The following CHKA variants were observed in gnomAD, a reference collection of about 807,000 sequenced individuals.
The protein encoded by CHKA is CHETK-alpha.
Under a neutral mutation model 60.1 loss-of-function variants are expected in CHKA, and 34 were observed. That is an observed-to-expected ratio of 0.57 (90% confidence interval 0.43 to 0.75). The LOEUF (loss-of-function observed/expected upper bound fraction) is 0.75, where lower values mean the gene tolerates loss of function less well. Ranked by LOEUF, CHKA falls within the 30% of genes least tolerant of loss-of-function variation. The pLI, the probability that CHKA is intolerant of heterozygous loss-of-function variation, is 0.00. For synonymous variants in CHKA, 217 were observed against 223.1 expected, an observed-to-expected ratio of 0.97 and a Z score of 0.24; for missense variants, 563 against 561.3, an observed-to-expected ratio of 1.00 and a Z score of -0.03.
chr11:68,079,979 C>T (rs1856925368), intron 3 of CHKA, among the ~76,000 whole-genome samples: 2 of 152,118 alleles, frequency 1.3e-5, no homozygotes, highest in Admixed American at 1.3e-4. Context: ...TGGCTGCCCT[C>T]AGGAGAGGAA....
intron 1 of CHKA, among the ~76,000 whole-genome samples, chr11:68,097,686 G>A (rs1040151182): frequency 6.6e-6 from 1 of 151,156 alleles, no homozygotes; most frequent in Non-Finnish European, 1.5e-5. Context: ...TTCTTCTCTA[G>A]GGCTTTCCAT....
intron 2 of CHKA, chr11:68,081,751 A>T (rs1856997021): frequency 7.4e-6 from 2 of 270,658 alleles, no homozygotes; most frequent in Admixed American, 9.5e-5. Flanking sequence ...TTGTTAGAGG[A>T]AAGTCAATAG....
chr11:68,120,785 G>A lies in CHKA; in HGVS notation c.350+43C>T, dbSNP rs371147054. The A allele has an allele frequency of 9.5e-5, 83 of 873,966 alleles. No individual in the cohort carries two copies. In the African/African-American group the frequency reaches 1.5e-3, roughly 15 times the overall value. The allele number at this position is 873,966 out of a possible 1,614,324, so 54.1% of individuals were successfully genotyped here. On this transcript the variant is annotated intron_variant, in intron 1 of 11. Transcript: ENST00000265689. Reference sequence around the variant, plus strand: ...GGACCCCGCCCCGGCCCCGCCCCGCGTCACCTGACTGTCCCGCGGCCCCCA... The same window carrying A: ...GGACCCCGCCCCGGCCCCGCCCCGCATCACCTGACTGTCCCGCGGCCCCCA...
In CHKA at chr11:68,066,428, C is replaced by G; in HGVS notation, c.1016+1G>C. ...GGAAACACTGGACTGTAACACAGTA[C>G]CTGTAATTGTAACTGCTGTATTCGA... On this transcript the variant is annotated splice_donor_variant, in intron 8 of 11. Coordinates refer to ENST00000265689, the MANE Select transcript of CHKA (RefSeq NM_001277.3). LOFTEE classifies it high-confidence loss of function. 6.2e-7 allele frequency: 1 copy of G among 1,602,568 alleles called. No individual in the cohort carries two copies. Among genetic ancestry groups the G allele is most frequent in the Non-Finnish European group, 8.6e-7 (1 of 1,169,524 alleles).
chr11:68,083,235 C>G, intron 2 of CHKA, among the ~76,000 whole-genome samples: 1 of 152,186 alleles, frequency 6.6e-6, no homozygotes, highest in East Asian at 1.9e-4. Flanking sequence ...AACGAGCTGC[C>G]TGGTGCCACG....
At chr11:68,119,534 A>G (rs1192894627) in intron 1 of CHKA, among the ~76,000 whole-genome samples, 1 of 152,150 alleles carries the variant, frequency 6.6e-6, no homozygotes, top group East Asian at 1.9e-4. Flanking sequence ...CAGTGGCGTG[A>G]TCTCGGCTCA....
At chr11:68,090,786 G>C (rs1857326210) in intron 2 of CHKA, among the ~76,000 whole-genome samples, 2 of 152,146 alleles carry the variant, frequency 1.3e-5, no homozygotes, top group South Asian at 4.1e-4. Context: ...CAACATTCAA[G>C]AGAGATCTTT....
At chr11:68,070,614 A>G (rs951402328) in intron 5 of CHKA, 110 bp downstream of exon 5, 2 of 1,188,036 alleles carry the variant, frequency 1.7e-6, no homozygotes, top group East Asian at 2.4e-5. Flanking sequence ...CCTGCACTTC[A>G]GTGAACTAGG....
intron 3 of CHKA, among the ~76,000 whole-genome samples, chr11:68,077,628 A>G (rs1448124848): frequency 6.6e-6 from 1 of 152,246 alleles, no homozygotes; most frequent in Non-Finnish European, 1.5e-5. Flanking sequence ...GGGAACCAAC[A>G]AAGAACAAGA....
chr11:68,059,989 TTTTTG>T (rs1856165003), intron 11 of CHKA, among the ~76,000 whole-genome samples: 1 of 152,086 alleles, frequency 6.6e-6, no homozygotes, highest in Non-Finnish European at 1.5e-5. Context: ...TCTCCCATGT[TTTTTG>T]TTTTGTTTTG....
intron 3 of CHKA, among the ~76,000 whole-genome samples, chr11:68,077,740 G>A (rs937482132): frequency 6.6e-6 from 1 of 152,106 alleles, no homozygotes; most frequent in African/African-American, 2.4e-5. Context: ...GCTATGGACT[G>A]GGCTCACTGC....
At chr11:68,113,081 CAAAAAAAAA>C (rs71040587) in intron 1 of CHKA, among the ~76,000 whole-genome samples, 13 of 14,548 alleles carry the variant, frequency 8.9e-4, no homozygotes, top group African/African-American at 1.8e-3. Context: ...GACTCCGTCT[CAAAAAAAAA>C]AAAAAAAAAA....
chr11:68,082,297 T>G (rs547654638), intron 2 of CHKA, among the ~76,000 whole-genome samples: 1 of 152,142 alleles, frequency 6.6e-6, no homozygotes, highest in African/African-American at 2.4e-5. Context: ...CTATCTTTAA[T>G]AAGGGAATGG....
chr11:68,107,108 C>T (rs542928686), intron 1 of CHKA, among the ~76,000 whole-genome samples: 96 of 152,088 alleles, frequency 6.3e-4, no homozygotes, highest in African/African-American at 2.2e-3. Context: ...AAAAATTAGC[C>T]GGGCGCAGTG....
chr11:68,097,716 C>T (rs1451894132), intron 1 of CHKA, among the ~76,000 whole-genome samples: 5 of 151,650 alleles, frequency 3.3e-5, no homozygotes, highest in Non-Finnish European at 7.4e-5. Context: ...ATTAATAGTT[C>T]CAAGATCTTC....
chr11:68,061,811 C>G (rs1377040133), intron 11 of CHKA, 142 bp downstream of exon 11: 7 of 693,494 alleles, frequency 1.0e-5, no homozygotes, highest in Middle Eastern at 2.4e-4. Flanking sequence ...CTGATGCCAC[C>G]AGGTCACCAC....
rs765871099 is a variant in CHKA at position 68,070,247 on chromosome 11, T to A, written c.811A>T (p.Ile271Phe). 6.2e-7 allele frequency: 1 copy of A among 1,614,178 alleles called. No homozygotes were observed. The highest frequency in any genetic ancestry group is 1.1e-5 in the South Asian group (1 of 91,080). Reference protein sequence around the residue: ...LRIKFTEESRIKKLHKLLSYN... With the variant: ...LRIKFTEESRFKKLHKLLSYN... ...CTGAGCAATTTGTGGAGCTTTTTAA[T>A]TCTGGATTCCTCAGTAAATTTAATT... The change falls in exon 6 of 12, where the codon ATT (isoleucine) becomes TTT (phenylalanine). Residue 271 changes from isoleucine (I) to phenylalanine (F), a missense_variant. By Grantham distance (21) the Ile-to-Phe change is conservative. Coordinates refer to ENST00000265689, the MANE Select transcript of CHKA (RefSeq NM_001277.3).
rs868512506 is a variant in CHKA at position 68,093,031 on chromosome 11, G to A, written c.462+3988C>T. ...GGTTTTTTTTTTTTTTTTTTGAGAC[G>A]GGGTCTCTCTCTGTCCCCCAGGCTG... On this transcript the variant is annotated intron_variant, in intron 2 of 11. Coordinates refer to ENST00000265689, the MANE Select transcript of CHKA (RefSeq NM_001277.3). 1.1e-4 allele frequency among the ~76,000 whole-genome samples: 15 copies of A among 142,414 alleles called. No individual in the cohort carries two copies. In the Middle Eastern group the frequency reaches 0.013, roughly 125 times the overall value. The allele number at this position is 142,414 out of a possible 152,430, so 93.4% of individuals were successfully genotyped here.
In CHKA at chr11:68,054,020, A is replaced by G. The variant is rs1200758655; in HGVS notation, c.1342T>C (p.Tyr448His). 3 of 1,613,662 alleles carry G rather than the reference A, an allele frequency of 1.9e-6. No homozygotes were observed. In the South Asian group the frequency reaches 3.3e-5, roughly 18 times the overall value. ...CCAAGCTTCCTCTTCTGGTGGAAAT[A>G]GGCATCAAACCTTGCTTGGGCGTAG... ...MDYAQARFDAYFHQKRKLGV is the reference protein window; with the variant it reads ...MDYAQARFDAHFHQKRKLGV Residue 448 changes from tyrosine (Y) to histidine (H), a missense_variant, in exon 12 of 12, where the codon TAT becomes CAT. Physicochemically the swap from Tyr to His is moderately conservative, Grantham distance 83. Coordinates refer to ENST00000265689, the MANE Select transcript of CHKA (RefSeq NM_001277.3).
Sources: gnomAD v4.1 joint callset for allele counts (sites outside exome capture counted in the v4.1 genomes callset) on GRCh38, gnomAD v4.1.1 for gene constraint, MANE v1.5 for transcripts, NCBI Gene and HGNC (gene_info 2026-07-23, HGNC 2026-07-21) for gene names.